Variants in DPYD observed in about 807,000 individuals in gnomAD.
DPYD encodes dihydropyrimidine dehydrogenase.
In DPYD, 109 loss-of-function variants were observed where a neutral mutation model predicts 116.2. That is an observed-to-expected ratio of 0.94 (90% CI 0.80 to 1.10). The LOEUF (loss-of-function observed/expected upper bound fraction) is 1.10. DPYD is among the 50% of genes least tolerant of loss of function. DPYD has a pLI of 0.00. For synonymous variants in DPYD, 440 were observed against 432.0 expected, an observed-to-expected ratio of 1.02 and a Z score of -0.23; for missense variants, 1,302 against 1,254.5, an observed-to-expected ratio of 1.04 and a Z score of -0.57.
chr1:97,175,200 A>G (rs752008380), intron 20 of DPYD, among the ~76,000 whole-genome samples: 2 of 149,612 alleles, frequency 1.3e-5, no homozygotes, highest in Non-Finnish European at 2.9e-5. Flanking sequence ...GCCAACATTT[A>G]TGTTTTCAGT....
At chr1:97,096,580 C>G (rs1424750142) in intron 21 of DPYD, among the ~76,000 whole-genome samples, 2 of 152,066 alleles carry the variant, frequency 1.3e-5, no homozygotes, top group African/African-American at 4.8e-5. Flanking sequence ...CACTCTGTAA[C>G]TAGGATTGTA....
chr1:97,704,346 A>T (rs1661778656), intron 5 of DPYD, among the ~76,000 whole-genome samples: 1 of 152,042 alleles, frequency 6.6e-6, no homozygotes, highest in African/African-American at 2.4e-5. Flanking sequence ...TAGAGTTGGC[A>T]TTATATGAAA....
intron 13 of DPYD, among the ~76,000 whole-genome samples, chr1:97,503,684 C>T (rs1679722792): frequency 1.3e-5 from 2 of 151,912 alleles, no homozygotes; most frequent in Admixed American, 1.3e-4. Flanking sequence ...AATTATTTCA[C>T]CTAATCAAAT....
chr1:97,522,699 A>C (rs367950247), intron 12 of DPYD, among the ~76,000 whole-genome samples: 2 of 147,204 alleles, frequency 1.4e-5, no homozygotes, highest in South Asian at 2.3e-4. Flanking sequence ...AGCCTGGGCA[A>C]CAAGTGAGAC....
At chr1:97,530,148 A>G (rs1368262205) in intron 12 of DPYD, among the ~76,000 whole-genome samples, 3 of 146,878 alleles carry the variant, frequency 2.0e-5, no homozygotes. Flanking sequence ...AAACAGTACA[A>G]TTTCTTTCTT....
At chr1:97,871,912 G>A (rs996249895) in intron 2 of DPYD, among the ~76,000 whole-genome samples, 2 of 151,736 alleles carry the variant, frequency 1.3e-5, no homozygotes, top group African/African-American at 4.8e-5. Context: ...CTTACATAAG[G>A]TTATATATAT....
At chr1:97,672,694 G>C (rs925729467) in intron 8 of DPYD, among the ~76,000 whole-genome samples, 8 of 152,118 alleles carry the variant, frequency 5.3e-5, no homozygotes, top group Admixed American at 2.0e-4. Context: ...TAAATAGAAA[G>C]TATACACAAC....
At chr1:97,291,937 T>C (rs1357624808) in intron 18 of DPYD, among the ~76,000 whole-genome samples, 1 of 152,192 alleles carries the variant, frequency 6.6e-6, no homozygotes, top group Non-Finnish European at 1.5e-5. Flanking sequence ...ACCAAAGATA[T>C]ATATTTTTCA....
At chr1:97,223,987 A>T (rs1331377349) in intron 19 of DPYD, among the ~76,000 whole-genome samples, 4 of 152,048 alleles carry the variant, frequency 2.6e-5, no homozygotes, top group Non-Finnish European at 5.9e-5. Context: ...ATAATTTGAG[A>T]ATATAATTTA....
chr1:97,157,234 T>G (rs2101734308), intron 20 of DPYD, among the ~76,000 whole-genome samples: 1 of 152,016 alleles, frequency 6.6e-6, no homozygotes, highest in South Asian at 2.1e-4. Flanking sequence ...ACCTGCACAT[T>G]GTGCACATGT....
chr1:97,377,080 T>C (rs2101538871), intron 15 of DPYD, among the ~76,000 whole-genome samples: 1 of 151,296 alleles, frequency 6.6e-6, no homozygotes, highest in East Asian at 1.9e-4. Context: ...AAATTAAAAA[T>C]AAAAATATAT....
intron 20 of DPYD, among the ~76,000 whole-genome samples, chr1:97,117,697 T>C (rs1652088602): frequency 6.6e-6 from 1 of 152,184 alleles, no homozygotes; most frequent in Non-Finnish European, 1.5e-5. Context: ...GGTTGTACTA[T>C]TGTCAGGATT....
At chr1:97,414,953 A>G (rs1674210170) in intron 14 of DPYD, among the ~76,000 whole-genome samples, 1 of 152,178 alleles carries the variant, frequency 6.6e-6, no homozygotes, top group Admixed American at 6.5e-5. Context: ...CTTTTTTTAA[A>G]AAACTCATTA....
At chr1:97,647,172 G>C (rs1231864746) in intron 8 of DPYD, among the ~76,000 whole-genome samples, 2 of 151,946 alleles carry the variant, frequency 1.3e-5, no homozygotes, top group African/African-American at 4.8e-5. Flanking sequence ...TGATATGGCT[G>C]TTGACTTTAA....
chr1:97,262,169 TA>T (rs1224763896), intron 18 of DPYD, among the ~76,000 whole-genome samples: 3 of 152,114 alleles, frequency 2.0e-5, no homozygotes, highest in Admixed American at 6.6e-5. Flanking sequence ...GTGAGCTCCG[TA>T]AGGGCAGGAG....
chr1:97,215,959 T>C (rs962858190), intron 19 of DPYD, among the ~76,000 whole-genome samples: 2 of 152,184 alleles, frequency 1.3e-5, no homozygotes, highest in Non-Finnish European at 2.9e-5. Context: ...TAATTGCAAA[T>C]TAATGTTCTC....
chr1:97,774,997 A>C (rs1666322755), intron 3 of DPYD: 5 of 308,652 alleles, frequency 1.6e-5, no homozygotes, highest in Non-Finnish European at 3.4e-5. Flanking sequence ...AAAAAGAAAG[A>C]AGCTCTATGA....
chr1:97,287,750 C>G (rs943641056), intron 18 of DPYD, among the ~76,000 whole-genome samples: 1 of 152,120 alleles, frequency 6.6e-6, no homozygotes, highest in Non-Finnish European at 1.5e-5. Context: ...AGGATATAAT[C>G]TCCTGGTGCG....
At chr1:97,287,869 C>A (rs1454002000) in intron 18 of DPYD, among the ~76,000 whole-genome samples, 4 of 151,994 alleles carry the variant, frequency 2.6e-5, no homozygotes, top group Non-Finnish European at 5.9e-5. Context: ...ACTCCCTAGC[C>A]CCTTGCAAGA....
Sources: gnomAD v4.1 joint callset for allele counts (sites outside exome capture counted in the v4.1 genomes callset) on GRCh38, gnomAD v4.1.1 for gene constraint, MANE v1.5 for transcripts, NCBI Gene and HGNC (gene_info 2026-07-23, HGNC 2026-07-21) for gene names.